Variants in RERE observed in about 807,000 individuals in gnomAD.
The protein encoded by RERE is arginine-glutamic acid dipeptide repeats protein.
RERE carries 40 observed loss-of-function variants against 146.1 expected under a neutral mutation model. That is an observed-to-expected ratio of 0.27 (90% CI 0.21 to 0.36). The LOEUF is 0.36. RERE is among the 10% of genes least tolerant of loss of function. The pLI is 1.00. For missense variants in RERE, 1,933 were observed against 2,138.7 expected (o/e 0.90, Z 1.90); for synonymous variants, 1,003 against 866.0 (o/e 1.16, Z -2.78).
At chr1:8,782,057 T>G (rs1374763166) in intron 1 of RERE, among the ~76,000 whole-genome samples, 1 of 152,086 alleles carries the variant, frequency 6.6e-6, no homozygotes, top group Non-Finnish European at 1.5e-5. Context: ...ACAGCAAATA[T>G]CCTCAAAAAG....
intron 1 of RERE, among the ~76,000 whole-genome samples, chr1:8,665,096 T>G (rs1638540915): frequency 6.6e-6 from 1 of 152,176 alleles, no homozygotes. Flanking sequence ...ACCACACTCC[T>G]TCCTACCCAG....
At chr1:8,619,830 CCTT>C (rs1313602734) in intron 3 of RERE, among the ~76,000 whole-genome samples, 1 of 152,120 alleles carries the variant, frequency 6.6e-6, no homozygotes, top group African/African-American at 2.4e-5. Flanking sequence ...AAGTGAATGC[CCTT>C]CTTGTCAATC....
chr1:8,390,395 T>C (rs1642843377), intron 12 of RERE, among the ~76,000 whole-genome samples: 1 of 152,206 alleles, frequency 6.6e-6, no homozygotes. Context: ...TTTTGGGAGC[T>C]AGCTGCTCTT....
chr1:8,506,498 C>T (rs1645251641), intron 8 of RERE, among the ~76,000 whole-genome samples: 2 of 152,182 alleles, frequency 1.3e-5, no homozygotes, highest in African/African-American at 4.8e-5. Context: ...TTTAGAAATG[C>T]TCAAAATCTA....
At chr1:8,647,310 G>T (rs72855864) in intron 2 of RERE, among the ~76,000 whole-genome samples, 1 of 152,066 alleles carries the variant, frequency 6.6e-6, no homozygotes, top group African/African-American at 2.4e-5. Context: ...GGTCACAGAG[G>T]GTCTACAGTG....
chr1:8,746,545 A>T (rs1344593200), intron 1 of RERE, among the ~76,000 whole-genome samples: 1 of 152,194 alleles, frequency 6.6e-6, no homozygotes, highest in Non-Finnish European at 1.5e-5. Context: ...AGTGAAAAAC[A>T]AAATGGTTAT....
chr1:8,418,259 G>A (rs988373153), intron 12 of RERE, among the ~76,000 whole-genome samples: 1 of 152,248 alleles, frequency 6.6e-6, no homozygotes, highest in African/African-American at 2.4e-5. Context: ...AGTGTAGTAA[G>A]TGTCAATGCA....
chr1:8,418,653 A>G (rs1461880363), intron 12 of RERE, among the ~76,000 whole-genome samples: 1 of 152,240 alleles, frequency 6.6e-6, no homozygotes, highest in Non-Finnish European at 1.5e-5. Flanking sequence ...CTCAGAGAAG[A>G]GATATGTCAC....
intron 4 of RERE, among the ~76,000 whole-genome samples, chr1:8,561,366 A>C (rs911507392): frequency 6.6e-6 from 1 of 152,204 alleles, no homozygotes; most frequent in Non-Finnish European, 1.5e-5. Context: ...ATCTTTCTAA[A>C]TAGGCCGGTA....
intron 12 of RERE, among the ~76,000 whole-genome samples, chr1:8,414,209 A>C (rs1643696454): frequency 6.6e-6 from 1 of 151,978 alleles, no homozygotes; most frequent in Non-Finnish European, 1.5e-5. Flanking sequence ...GGTTACCAAA[A>C]GCTCCCCCAA....
intron 1 of RERE, among the ~76,000 whole-genome samples, chr1:8,736,241 C>G (rs1244848805): frequency 6.6e-6 from 1 of 152,068 alleles, no homozygotes; most frequent in African/African-American, 2.4e-5. Context: ...GAGTCTTGCT[C>G]TGTTGCCCAG....
chr1:8,779,843 AATG>A (rs1258651107), intron 1 of RERE, among the ~76,000 whole-genome samples: 49 of 152,194 alleles, frequency 3.2e-4, no homozygotes, highest in Non-Finnish European at 4.0e-4. Flanking sequence ...CATTCATTAC[AATG>A]ATGATGAAAA....
At chr1:8,605,633 CA>C (rs1214455201) in intron 4 of RERE, among the ~76,000 whole-genome samples, 1 of 150,162 alleles carries the variant, frequency 6.7e-6, no homozygotes, top group Non-Finnish European at 1.5e-5. Context: ...ACTGTAATCT[CA>C]GCTACTTGGG....
intron 2 of RERE, among the ~76,000 whole-genome samples, chr1:8,627,514 A>G (rs1050618356): frequency 1.3e-5 from 2 of 149,964 alleles, no homozygotes; most frequent in Admixed American, 6.7e-5. Flanking sequence ...AGGCAGGAGG[A>G]TTGCTTGAAC....
intron 1 of RERE, among the ~76,000 whole-genome samples, chr1:8,766,648 A>C (rs903906082): frequency 4.6e-5 from 7 of 152,164 alleles, no homozygotes; most frequent in African/African-American, 1.7e-4. Flanking sequence ...AGGAAAAAGA[A>C]ACAATACTTG....
chr1:8,598,965 G>A lies in RERE; in HGVS notation c.522+15596C>T, dbSNP rs555822397. ...CTTAACTCTCCTTAGACAGAAGGCA[G>A]AAGGCTGCAAACATCCCCCAGCAGA... On this transcript the variant is annotated intron_variant, in intron 4 of 22. Transcript: ENST00000400908. Among the ~76,000 whole-genome samples, 354 of 152,348 alleles carry A rather than the reference G, an allele frequency of 2.3e-3. 2 individuals are homozygous for A. Among genetic ancestry groups the A allele is most frequent in the African/African-American group, 8.1e-3 (337 of 41,586 alleles).
chr1:8,749,978 C>T (rs1264088425), intron 1 of RERE, among the ~76,000 whole-genome samples: 1 of 151,926 alleles, frequency 6.6e-6, no homozygotes, highest in African/African-American at 2.4e-5. Flanking sequence ...ACAGCGAAAC[C>T]TCATCTCTAC....
At chr1:8,488,217 T>A (rs1173910128) in intron 10 of RERE, among the ~76,000 whole-genome samples, 1 of 152,256 alleles carries the variant, frequency 6.6e-6, no homozygotes, top group African/African-American at 2.4e-5. Context: ...AGAATCCCAA[T>A]TAAAATTCCA....
intron 12 of RERE, among the ~76,000 whole-genome samples, chr1:8,368,913 A>G (rs1641921915): frequency 6.6e-6 from 1 of 151,766 alleles, no homozygotes; most frequent in South Asian, 2.1e-4. Context: ...AAAAAAAAAA[A>G]AATTATCTGG....
Sources: allele counts gnomAD v4.1 joint callset (sites outside exome capture counted in the v4.1 genomes callset), GRCh38; gene constraint gnomAD v4.1.1; transcripts MANE v1.5; gene names NCBI Gene and HGNC (gene_info 2026-07-23, HGNC 2026-07-21).